The following SPATS1 variants were observed in gnomAD, a reference collection of about 807,000 sequenced individuals.
The protein encoded by SPATS1 is spermatogenesis-associated serine-rich protein 1.
Under a neutral mutation model 33.6 loss-of-function variants are expected in SPATS1, and 23 were observed. The ratio of observed to expected loss-of-function variants is 0.68; its 90% CI spans 0.49 to 0.97. The LOEUF (loss-of-function observed/expected upper bound fraction) is 0.97. SPATS1 is among the 50% of genes least tolerant of loss of function. The pLI is 0.00. For missense variants in SPATS1, 327 were observed against 361.0 expected (o/e 0.91, Z 0.76); for synonymous variants, 131 against 125.6 (o/e 1.04, Z -0.29).
intron 6 of SPATS1, 108 bp from the exon 7 acceptor site, chr6:44,369,943 T>C: frequency 1.6e-6 from 1 of 632,888 alleles, no homozygotes; most frequent in East Asian, 2.9e-5. Flanking sequence ...AAGTCAATAC[T>C]TGAAAATTAA....
At chr6:44,361,666 C>T (rs1014849706) in intron 4 of SPATS1, among the ~76,000 whole-genome samples, 165 bp from the exon 5 acceptor site, 1 of 152,012 alleles carries the variant, frequency 6.6e-6, no homozygotes, top group Non-Finnish European at 1.5e-5. Context: ...TGTGTCTAGT[C>T]CCACAGAGTT....
chr6:44,371,818 G>T lies in SPATS1; in HGVS notation c.758+1705G>T, dbSNP rs555042730. Among the ~76,000 whole-genome samples the T allele has an allele frequency of 1.1e-4, 17 of 151,826 alleles. No individual in the cohort carries two copies. In the East Asian group the frequency reaches 3.3e-3, roughly 29 times the overall value. On this transcript the variant is annotated intron_variant, in intron 7 of 8. Transcript: ENST00000674044. ...AAATTAGCTGGGCGTGGTGGCAGGCGCCTGTGGTCCCAGCTACTCGGGAGG... is the reference window on the plus strand; with the variant it reads ...AAATTAGCTGGGCGTGGTGGCAGGCTCCTGTGGTCCCAGCTACTCGGGAGG...
In SPATS1 at chr6:44,379,119, C is replaced by T. The variant is rs1182828413; in HGVS notation, c.*2056C>T. On this transcript the variant is annotated 3_prime_UTR_variant, in exon 9 of 9. Transcript: ENST00000674044. ...CCCTAGTCAAAAACAATGCCCCACC[C>T]CTAAAAAAAAAAGTCAACTGCAACC... Among the ~76,000 whole-genome samples, 1 of 151,724 alleles carries T rather than the reference C, an allele frequency of 6.6e-6. No homozygotes were observed. Among genetic ancestry groups the T allele is most frequent in the Non-Finnish European group, 1.5e-5 (1 of 67,926 alleles).
chr6:44,358,691 C>A (rs945745984), intron 3 of SPATS1, among the ~76,000 whole-genome samples: 1 of 152,136 alleles, frequency 6.6e-6, no homozygotes, highest in African/African-American at 2.4e-5. Flanking sequence ...GAAATCCATA[C>A]CCTTTAGCAA....
At chr6:44,355,148 T>C (rs1213400235) in intron 3 of SPATS1, among the ~76,000 whole-genome samples, 3 of 152,186 alleles carry the variant, frequency 2.0e-5, no homozygotes, top group African/African-American at 7.2e-5. Context: ...ATCCTGTGTG[T>C]TCCATCTATT....
Position 44,368,028 on chromosome 6 carries a change from G to A in SPATS1, c.575-351G>A, listed in dbSNP as rs570445004. ...TTTCTTCGGCTTCCTAAGACTCAGGGATTCAAAGTGCACTAATGCTCAGGA... is the reference window on the plus strand; with the variant it reads ...TTTCTTCGGCTTCCTAAGACTCAGGAATTCAAAGTGCACTAATGCTCAGGA... On this transcript the variant is annotated intron_variant, in intron 5 of 8. Coordinates refer to ENST00000674044, the MANE Select transcript of SPATS1 (RefSeq NM_001372081.1). Among the ~76,000 whole-genome samples the A allele has an allele frequency of 2.0e-5, 3 of 152,322 alleles. No homozygotes were observed. In the South Asian group the frequency reaches 6.2e-4, roughly 32 times the overall value.
At chr6:44,353,356 G>A (rs1788357451) in intron 3 of SPATS1, among the ~76,000 whole-genome samples, 1 of 152,202 alleles carries the variant, frequency 6.6e-6, no homozygotes, top group Non-Finnish European at 1.5e-5. Context: ...TTTCTGGGGA[G>A]TGGGGAAGGG....
rs746035658 is a variant in SPATS1 at position 44,361,773 on chromosome 6, C to T, written c.413-58C>T. On this transcript the variant is annotated intron_variant, in intron 4 of 8. Coordinates refer to ENST00000674044, the MANE Select transcript of SPATS1 (RefSeq NM_001372081.1). ...TGGAGTTTTCACAGCTTTTTGTCAT[C>T]CAGTTGCATTATGAGGCTGGGAACA... 2.3e-5 allele frequency: 37 copies of T among 1,605,262 alleles called. No individual in the cohort carries two copies. In the South Asian group the frequency reaches 4.1e-4, roughly 18 times the overall value.
intron 6 of SPATS1, 143 bp from the exon 7 acceptor site, chr6:44,369,908 A>AAAATAAAATAAAATAAAATC: frequency 2.3e-6 from 1 of 432,880 alleles, no homozygotes. Flanking sequence ...AAAATAAAAT[A>AAAATAAAATAAAATAAAATC]AAATCTGCGG....
intron 6 of SPATS1, among the ~76,000 whole-genome samples, chr6:44,369,352 C>T (rs971510826): frequency 3.3e-5 from 5 of 151,552 alleles, no homozygotes; most frequent in Middle Eastern, 3.5e-3. Flanking sequence ...GAGTTCAAGA[C>T]CAGCCTGGCC....
chr6:44,349,134 G>T (rs1177672407), intron 2 of SPATS1, among the ~76,000 whole-genome samples: 1 of 150,412 alleles, frequency 6.6e-6, no homozygotes, highest in African/African-American at 2.5e-5. Flanking sequence ...CTGTCTCCAA[G>T]AAATGAATAA....
chr6:44,370,228 C>A, intron 7 of SPATS1, 115 bp downstream of exon 7: 1 of 938,582 alleles, frequency 1.1e-6, no homozygotes, highest in Non-Finnish European at 1.6e-6. Flanking sequence ...CCTTTTGAAT[C>A]CCAGCAGGAG....
chr6:44,371,965 T>C (rs1327881744), intron 7 of SPATS1, among the ~76,000 whole-genome samples: 1 of 143,312 alleles, frequency 7.0e-6, no homozygotes, highest in Non-Finnish European at 1.5e-5. Context: ...AAAAAAAAGA[T>C]TTTTGTTTGC....
At chr6:44,366,638 G>A (rs146161526) in intron 5 of SPATS1, among the ~76,000 whole-genome samples, 160 of 152,266 alleles carry the variant, frequency 1.1e-3, no homozygotes, top group African/African-American at 3.5e-3. Flanking sequence ...TTACTGCTTT[G>A]TAGTGTTACC....
Position 44,379,782 on chromosome 6 carries a change from A to G in SPATS1, c.*2719A>G, listed in dbSNP as rs1790123461. The stretch of plus-strand genomic sequence containing the variant: ...TTTAATCCAGGCCGCAAAAACCATG[A>G]GTAAAAAAAAAAAACACAAAAAAAC... On this transcript the variant is annotated 3_prime_UTR_variant, in exon 9 of 9. Coordinates refer to ENST00000674044, the MANE Select transcript of SPATS1 (RefSeq NM_001372081.1). 1.4e-5 allele frequency among the ~76,000 whole-genome samples: 2 copies of G among 141,226 alleles called. No homozygotes were observed. The highest frequency in any genetic ancestry group is 5.1e-5 in the African/African-American group (2 of 39,188). 92.6% of individuals were successfully genotyped at this position (141,226 alleles called of 152,430 possible).
At chr6:44,373,575 C>A (rs1789756348) in intron 7 of SPATS1, among the ~76,000 whole-genome samples, 1 of 152,252 alleles carries the variant, frequency 6.6e-6, no homozygotes, top group Non-Finnish European at 1.5e-5. Context: ...CAAAGTTGTT[C>A]ATATCTTTAA....
intron 3 of SPATS1, among the ~76,000 whole-genome samples, chr6:44,356,098 C>A (rs1312823810): frequency 6.6e-6 from 1 of 152,180 alleles, no homozygotes; most frequent in Non-Finnish European, 1.5e-5. Flanking sequence ...GTCCCACAGG[C>A]CCCCAAACTC....
At chr6:44,370,690 G>C (rs1789552132) in intron 7 of SPATS1, among the ~76,000 whole-genome samples, 1 of 152,010 alleles carries the variant, frequency 6.6e-6, no homozygotes, top group South Asian at 2.1e-4. Context: ...GTGTCCCAGG[G>C]TCTAACCCAC....
intron 4 of SPATS1, 150 bp from the exon 5 acceptor site, chr6:44,361,681 A>G: frequency 8.5e-7 from 1 of 1,181,508 alleles, no homozygotes; most frequent in South Asian, 1.5e-5. Context: ...AGAGTTTCAC[A>G]CTGTCTCTGA....
Sources: allele counts gnomAD v4.1 joint callset (sites outside exome capture counted in the v4.1 genomes callset), GRCh38; gene constraint gnomAD v4.1.1; transcripts MANE v1.5; gene names NCBI Gene and HGNC (gene_info 2026-07-23, HGNC 2026-07-21).